The following SETD7 variants were observed in gnomAD, a reference collection of about 807,000 sequenced individuals.
SETD7 encodes the protein SET domain containing 7, histone lysine methyltransferase, also known as histone-lysine N-methyltransferase SETD7.
In SETD7, 16 loss-of-function variants were observed where a neutral mutation model predicts 41.8. That is an observed-to-expected ratio of 0.38 (90% CI 0.26 to 0.58). The LOEUF is 0.58. Among genes scored for constraint, SETD7 ranks in the 20% least tolerant of loss-of-function variants. SETD7 has a pLI of 0.64. For synonymous variants in SETD7, 163 were observed against 169.7 expected, an observed-to-expected ratio of 0.96 and a Z score of 0.31; for missense variants, 346 against 459.7, an observed-to-expected ratio of 0.75 and a Z score of 2.26.
At chr4:139,512,483 G>A (rs35506081) in intron 7 of SETD7, among the ~76,000 whole-genome samples, 6,556 of 152,302 alleles carry the variant, frequency 0.043, 186 homozygotes, top group Middle Eastern at 0.11. Context: ...CCTATGAAGA[G>A]AGCAGTATCT....
chr4:139,527,069 G>A (rs1233492089), intron 4 of SETD7, among the ~76,000 whole-genome samples: 4 of 152,164 alleles, frequency 2.6e-5, no homozygotes, highest in Non-Finnish European at 4.4e-5. Flanking sequence ...ATCAGAGAGT[G>A]TACTCACACA....
chr4:139,518,632 G>A (rs1433898365), intron 6 of SETD7, among the ~76,000 whole-genome samples: 1 of 151,966 alleles, frequency 6.6e-6, no homozygotes, highest in Admixed American at 6.6e-5. Context: ...TGGATAGCTT[G>A]TATTAAAAGT....
chr4:139,546,729 C>A, intron 2 of SETD7, 191 bp downstream of exon 2: 1 of 708,744 alleles, frequency 1.4e-6, no homozygotes, highest in South Asian at 1.7e-5. Flanking sequence ...AAGAGCTAAG[C>A]CTTAGGCTGG....
chr4:139,548,665 T>G (rs1351795216), intron 1 of SETD7, among the ~76,000 whole-genome samples: 2 of 152,206 alleles, frequency 1.3e-5, no homozygotes, highest in East Asian at 3.8e-4. Context: ...AATATGCTCT[T>G]TATTTGTATC....
At chr4:139,533,025 C>A in intron 3 of SETD7, 140 bp downstream of exon 3, 2 of 694,394 alleles carry the variant, frequency 2.9e-6, no homozygotes, top group Non-Finnish European at 5.2e-6. Flanking sequence ...AGAGGGCATG[C>A]CTCATAAACT....
rs548858423 is a variant in SETD7, at chr4:139,522,549, G to GA, written c.644+804dup. Among the ~76,000 whole-genome samples the GA allele has an allele frequency of 1.5e-4, 23 of 152,082 alleles. No homozygotes were observed. The East Asian group carries it at 4.4e-3, about 29-fold the overall frequency. On this transcript the variant is annotated intron_variant, in intron 5 of 7. Transcript: ENST00000274031. ...TGTTTCACTCTTGTCTTCTGTTTGT[G>GA]AAAAAAGAAATTGTCTTGTGTTCCA...
At chr4:139,522,090 CT>C (rs1291371395) in intron 5 of SETD7, among the ~76,000 whole-genome samples, 1 of 152,226 alleles carries the variant, frequency 6.6e-6, no homozygotes, top group Non-Finnish European at 1.5e-5. Context: ...TGGCTATGGT[CT>C]TGTGTTTCGG....
At chr4:139,535,724 A>G (rs1484644504) in intron 2 of SETD7, among the ~76,000 whole-genome samples, 1 of 152,168 alleles carries the variant, frequency 6.6e-6, no homozygotes, top group Non-Finnish European at 1.5e-5. Context: ...CTCTTAAGGC[A>G]TTGGAAAGCA....
exon 8 of SETD7, chr4:139,496,417 G>A (rs1221028069): frequency 1.4e-6 from 1 of 702,500 alleles, no homozygotes; most frequent in Admixed American, 2.0e-5. Context: ...AGGAATGCCA[G>A]CTTTTCTGTG....
intron 5 of SETD7, 35 bp from the exon 6 acceptor site, chr4:139,520,429 C>G: frequency 7.9e-7 from 1 of 1,264,036 alleles, no homozygotes; most frequent in Non-Finnish European, 1.1e-6. Context: ...GTGACCTTTT[C>G]AGCTTAATAT....
chr4:139,523,280 T>C (rs1727230997), intron 5 of SETD7, 74 bp downstream of exon 5: 7 of 1,095,558 alleles, frequency 6.4e-6, no homozygotes, highest in Middle Eastern at 2.0e-4. Context: ...GCCAAAGAGG[T>C]GCATAAGTTC....
At chr4:139,498,958 A>G (rs1726518093) in intron 7 of SETD7, among the ~76,000 whole-genome samples, 1 of 152,206 alleles carries the variant, frequency 6.6e-6, no homozygotes, top group African/African-American at 2.4e-5. Flanking sequence ...TACAAATACA[A>G]AAATTAGGCA....
chr4:139,504,187 T>C (rs1385450295), downstream of SETD7, among the ~76,000 whole-genome samples: 1 of 152,240 alleles, frequency 6.6e-6, no homozygotes, highest in African/African-American at 2.4e-5. Flanking sequence ...GGAAGCATTC[T>C]GATACTTACA....
chr4:139,533,723 T>C (rs1002320473), intron 2 of SETD7, among the ~76,000 whole-genome samples: 23 of 152,212 alleles, frequency 1.5e-4, no homozygotes, highest in Non-Finnish European at 5.9e-5. Context: ...ACCATTCATG[T>C]CTAATTTCCC....
intron 5 of SETD7, 114 bp downstream of exon 5, chr4:139,523,240 G>A: frequency 1.5e-6 from 1 of 665,070 alleles, no homozygotes; most frequent in Admixed American, 2.6e-5. Context: ...GAGGAGCTTG[G>A]TCTGAGCTGG....
At chr4:139,523,478 G>A in intron 4 of SETD7, 43 bp from the exon 5 acceptor site, 1 of 1,414,912 alleles carries the variant, frequency 7.1e-7, no homozygotes, top group Non-Finnish European at 1.0e-6. Flanking sequence ...CAGAGTTAGG[G>A]AAGAGCATTT....
chr4:139,547,031 C>T lies in SETD7; in HGVS notation c.59G>A (p.Gly20Glu). 6.2e-7 allele frequency: 1 copy of T among 1,613,932 alleles called. No homozygotes were observed. The highest frequency in any genetic ancestry group is 8.5e-7 in the Non-Finnish European group (1 of 1,179,952). Reference protein sequence around the residue: ...EAVEGHLDDDGLPHGFCTVTY... With the variant: ...EAVEGHLDDDELPHGFCTVTY... ...GACTGTGCAGAACCCGTGCGGTAAT[C>T]CGTCATCGTCCAGGTGCCCTGGAGA... Residue 20 changes from glycine to glutamate, a missense_variant, in exon 2 of 8, where the codon GGA (glycine) becomes GAA (glutamate). By Grantham distance (98) the Gly-to-Glu change is moderately conservative. Around this residue, in one of 3 missense-constraint regions of SETD7, gnomAD observed 266 missense variants for 377.0 expected, o/e 0.71. Coordinates refer to ENST00000274031, the MANE Select transcript of SETD7 (RefSeq NM_030648.4).
chr4:139,533,231 C>A lies in SETD7; in HGVS notation c.306G>T (p.Gly102=). 6.2e-7 allele frequency: 1 copy of A among 1,614,202 alleles called. No individual in the cohort carries two copies. Among genetic ancestry groups the A allele is most frequent in the Non-Finnish European group, 8.5e-7 (1 of 1,180,030 alleles). ...NGPAQEYDTD[G]RLIFKGQYKD... Reference sequence around the variant, plus strand: ...TATACTGCCCCTTGAAGATCAGTCTCCCATCTGTGTCATATTCCTGGGCTG... The same window carrying A: ...TATACTGCCCCTTGAAGATCAGTCTACCATCTGTGTCATATTCCTGGGCTG... The change falls in exon 3 of 8, where the codon GGG becomes GGT. Residue 102 remains glycine, a synonymous_variant. Transcript: ENST00000274031.
chr4:139,502,914 G>A (rs1428056539), downstream of SETD7, among the ~76,000 whole-genome samples: 1 of 152,040 alleles, frequency 6.6e-6, no homozygotes, highest in Non-Finnish European at 1.5e-5. Context: ...TGGGGGTGGT[G>A]GCTCACGCCT....
Sources: allele counts gnomAD v4.1 joint callset (sites outside exome capture counted in the v4.1 genomes callset), GRCh38; gene constraint gnomAD v4.1.1; regional missense constraint gnomAD v4.1.1; transcripts MANE v1.5; gene names NCBI Gene and HGNC (gene_info 2026-07-23, HGNC 2026-07-21).